Variants in FHIP1A observed in about 807,000 individuals in gnomAD.
FHIP1A encodes the protein FHF complex subunit HOOK interacting protein 1A, also known as FHF complex subunit HOOK-interacting protein 1A.
Under a neutral mutation model 88.6 loss-of-function variants are expected in FHIP1A, and 61 were observed. The observed-to-expected ratio is 0.69, with a 90% CI of 0.56 to 0.85. FHIP1A has a LOEUF of 0.85. Ranked by LOEUF, FHIP1A falls within the 40% of genes least tolerant of loss-of-function variation. The probability of loss-of-function intolerance (pLI) is 0.00; values close to 1 mark genes in which losing one functional copy is unlikely to be tolerated. For missense variants in FHIP1A, 1,154 were observed against 1,273.5 expected (o/e 0.91, Z 1.43); for synonymous variants, 478 against 496.0 (o/e 0.96, Z 0.48).
chr4:151,505,534 G>A (rs1172802620), intron 3 of FHIP1A, among the ~76,000 whole-genome samples: 2 of 152,152 alleles, frequency 1.3e-5, no homozygotes. Flanking sequence ...TTTTTCAGAA[G>A]GGGACAGCAA....
intron 7 of FHIP1A, among the ~76,000 whole-genome samples, chr4:151,627,047 C>T (rs1419886970): frequency 2.0e-5 from 3 of 152,106 alleles, no homozygotes; most frequent in Non-Finnish European, 2.9e-5. Context: ...CTCCTGAAGG[C>T]TCTGAGGATA....
chr4:151,501,257 G>A (rs1037263702), intron 3 of FHIP1A, among the ~76,000 whole-genome samples: 2 of 152,160 alleles, frequency 1.3e-5, no homozygotes. Flanking sequence ...TTGAGTACCT[G>A]TCTTCAGTTC....
At chr4:151,621,230 G>T (rs1735730647) in intron 7 of FHIP1A, among the ~76,000 whole-genome samples, 1 of 152,012 alleles carries the variant, frequency 6.6e-6, no homozygotes, top group Non-Finnish European at 1.5e-5. Flanking sequence ...GGTAAAGCAG[G>T]AATCATTCTG....
At chr4:151,413,518 A>C (rs1181023411) in intron 1 of FHIP1A, among the ~76,000 whole-genome samples, 1 of 152,088 alleles carries the variant, frequency 6.6e-6, no homozygotes, top group Admixed American at 6.6e-5. Flanking sequence ...GCGGTGGCAC[A>C]ATCTTAGCTC....
chr4:151,581,786 A>G (rs970459163), intron 5 of FHIP1A, among the ~76,000 whole-genome samples: 9 of 152,324 alleles, frequency 5.9e-5, no homozygotes, highest in Non-Finnish European at 1.0e-4. Flanking sequence ...TCTAATTAGT[A>G]TGATTGTCAA....
intron 8 of FHIP1A, among the ~76,000 whole-genome samples, chr4:151,630,128 T>C (rs1736101937): frequency 6.6e-6 from 1 of 152,204 alleles, no homozygotes; most frequent in Non-Finnish European, 1.5e-5. Context: ...GCTATTTCTC[T>C]GTTTTAGCAC....
chr4:151,645,273 C>A lies in FHIP1A; in HGVS notation c.1227-1285C>A, dbSNP rs557059746. 3.9e-5 allele frequency among the ~76,000 whole-genome samples: 6 copies of A among 152,234 alleles called. No homozygotes were observed. In the South Asian group the frequency reaches 1.2e-3, roughly 32 times the overall value. On this transcript the variant is annotated intron_variant, in intron 9 of 13. Transcript: ENST00000435205. ...CTAGATGGTTTGCTTTTTCTGAAAA[C>A]TGAAGGTTAAGTGGCAAGTTTGCTA...
intron 13 of FHIP1A, among the ~76,000 whole-genome samples, chr4:151,660,240 C>A (rs1737404709): frequency 6.6e-6 from 1 of 152,196 alleles, no homozygotes; most frequent in African/African-American, 2.4e-5. Flanking sequence ...TATGGATCTC[C>A]CAGCCAGCCC....
intron 3 of FHIP1A, among the ~76,000 whole-genome samples, chr4:151,493,347 C>T (rs938020733): frequency 3.3e-5 from 5 of 151,972 alleles, no homozygotes. Flanking sequence ...AAATTGCCAA[C>T]AAATAAAGTC....
chr4:151,484,163 C>T (rs1729997015), intron 3 of FHIP1A, among the ~76,000 whole-genome samples: 1 of 152,060 alleles, frequency 6.6e-6, no homozygotes. Context: ...TTTCAAGGTC[C>T]TTAGCAGAAT....
At chr4:151,470,489 C>G (rs11735143) in intron 2 of FHIP1A, among the ~76,000 whole-genome samples, 17,623 of 152,160 alleles carry the variant, frequency 0.12, 1,074 homozygotes, top group African/African-American at 0.14. Context: ...TCCCTGCTAT[C>G]GGGTCAGTAA....
intron 3 of FHIP1A, among the ~76,000 whole-genome samples, chr4:151,561,957 T>C (rs1158290397): frequency 6.6e-6 from 1 of 152,158 alleles, no homozygotes; most frequent in Non-Finnish European, 1.5e-5. Context: ...TGTGATAAAG[T>C]ACATAAAATA....
At chr4:151,412,681 T>C (rs1311878100) in intron 1 of FHIP1A, among the ~76,000 whole-genome samples, 11 of 89,754 alleles carry the variant, frequency 1.2e-4, no homozygotes, top group Admixed American at 4.4e-4. Context: ...CTCTCTCTCT[T>C]TCTTTCTTTT....
At chr4:151,483,719 G>A (rs969975334) in intron 3 of FHIP1A, among the ~76,000 whole-genome samples, 2 of 152,058 alleles carry the variant, frequency 1.3e-5, no homozygotes, top group African/African-American at 4.8e-5. Flanking sequence ...TAACTATCTA[G>A]CTGTAATTTT....
intron 1 of FHIP1A, among the ~76,000 whole-genome samples, chr4:151,444,475 C>G (rs968939996): frequency 2.6e-5 from 4 of 152,018 alleles, no homozygotes; most frequent in African/African-American, 4.8e-5. Context: ...ATGAACAGTA[C>G]CTTAGAAACC....
chr4:151,638,723 A>G lies in FHIP1A; in HGVS notation c.1193A>G (p.His398Arg), dbSNP rs753966721. ...LALFRTLIGL[H>R]CEDVMLQLVL... ...TTATTCAGAACTCTCATTGGTTTAC[A>G]TTGTGAAGATGTGATGTTACAGCTA... Residue 398 changes from histidine to arginine, a missense_variant, in exon 9 of 14, where the codon CAT becomes CGT. Physicochemically the swap from His to Arg is conservative, Grantham distance 29 (BLOSUM62 0). Coordinates refer to ENST00000435205, the MANE Select transcript of FHIP1A (RefSeq NM_001109977.3). 9.0e-6 allele frequency: 14 copies of G among 1,550,292 alleles called. 1 individual carries two copies. The South Asian group carries it at 1.6e-4, about 17-fold the overall frequency.
chr4:151,561,422 T>C (rs769870020), intron 3 of FHIP1A, among the ~76,000 whole-genome samples: 1 of 152,138 alleles, frequency 6.6e-6, no homozygotes, highest in Non-Finnish European at 1.5e-5. Context: ...AAAAGAGAAC[T>C]GGGCCAGAAG....
chr4:151,415,590 A>C (rs1315480394), intron 1 of FHIP1A, among the ~76,000 whole-genome samples: 1 of 152,202 alleles, frequency 6.6e-6, no homozygotes, highest in East Asian at 1.9e-4. Flanking sequence ...ATCATTGTAC[A>C]CTTGTGTTTT....
At chr4:151,647,489 C>T (rs1578859207) in intron 10 of FHIP1A, among the ~76,000 whole-genome samples, 2 of 152,174 alleles carry the variant, frequency 1.3e-5, no homozygotes, top group Admixed American at 6.5e-5. Flanking sequence ...TGATATCCAC[C>T]CCAACAATGT....
Sources: gnomAD v4.1 joint callset for allele counts (sites outside exome capture counted in the v4.1 genomes callset) on GRCh38, gnomAD v4.1.1 for gene constraint, MANE v1.5 for transcripts, NCBI Gene and HGNC (gene_info 2026-07-23, HGNC 2026-07-21) for gene names.